ATXN8OS: variants seen among roughly 807,000 people sequenced by gnomAD.
The protein encoded by ATXN8OS is ATXN8 opposite strand (non-protein coding).
chr13:70,156,244 A>T (rs868826846), intron 4 of ATXN8OS, among the ~76,000 whole-genome samples: 2,029 of 149,260 alleles, frequency 0.014, 17 homozygotes, highest in South Asian at 0.017. Flanking sequence ...GGTGGGTATG[A>T]GTGTGTGTGT....
chr13:70,156,077 T>C (rs1888932351), intron 4 of ATXN8OS, among the ~76,000 whole-genome samples: 1 of 152,124 alleles, frequency 6.6e-6, no homozygotes, highest in Admixed American at 6.6e-5. Context: ...CCTAACTTTA[T>C]GAACAGAAAG....
chr13:70,120,608 A>G (rs1023785972), intron 2 of ATXN8OS, among the ~76,000 whole-genome samples: 2 of 152,164 alleles, frequency 1.3e-5, no homozygotes, highest in Non-Finnish European at 2.9e-5. Context: ...GAAAAACCGT[A>G]AAGAACTAAA....
rs140488770 is a variant in ATXN8OS, at chr13:70,135,622, T to C, written n.499+5738T>C. Among the ~76,000 whole-genome samples, 619 of 149,166 alleles carry C rather than the reference T, an allele frequency of 4.1e-3. 6 individuals carry two copies. Among genetic ancestry groups the C allele is most frequent in the African/African-American group, 0.014 (585 of 41,464 alleles). ...CATCTATAATTTACATGGGTCCATA[T>C]TGAACTTTTTTTCTTACATTCCTTT... is the stretch of plus-strand genomic sequence containing the variant. On this transcript the variant is annotated intron_variant and non_coding_transcript_variant, in intron 3 of 4. Transcript: ENST00000678624.
chr13:70,122,161 T>A (rs563050427), intron 2 of ATXN8OS, among the ~76,000 whole-genome samples: 10 of 152,116 alleles, frequency 6.6e-5, no homozygotes, highest in African/African-American at 2.4e-4. Flanking sequence ...ATTTTAAACC[T>A]ATATTGCCAA....
At chr13:70,124,867 A>C (rs905949889) in intron 2 of ATXN8OS, among the ~76,000 whole-genome samples, 2 of 151,902 alleles carry the variant, frequency 1.3e-5, no homozygotes, top group African/African-American at 2.4e-5. Flanking sequence ...ATTACCTTTA[A>C]AGGATTTTTA....
At chr13:70,127,522 T>C (rs1888456651) in intron 2 of ATXN8OS, among the ~76,000 whole-genome samples, 1 of 152,070 alleles carries the variant, frequency 6.6e-6, no homozygotes. Context: ...ATGATTTCTA[T>C]AATCATGTAT....
At chr13:70,107,986 C>G (rs1382020575) in exon 1 of ATXN8OS, 5 of 439,374 alleles carry the variant, frequency 1.1e-5, no homozygotes, top group Non-Finnish European at 2.0e-5. Context: ...TGAGAATCCT[C>G]GATGCCCGCG....
chr13:70,144,598 G>T (rs1044277770), intron 3 of ATXN8OS, among the ~76,000 whole-genome samples: 4 of 152,086 alleles, frequency 2.6e-5, no homozygotes, highest in Non-Finnish European at 5.9e-5. Context: ...TTAGATAACA[G>T]TCCTTTAATA....
At chr13:70,139,481 T>C (rs1346884557) in intron 3 of ATXN8OS, 21 of 649,566 alleles carry the variant, frequency 3.2e-5, no homozygotes, top group Non-Finnish European at 5.1e-5. Flanking sequence ...ATAATTGTTA[T>C]ATATTTTTCC....
intron 3 of ATXN8OS, among the ~76,000 whole-genome samples, chr13:70,133,816 T>C (rs1888568036): frequency 6.6e-6 from 1 of 152,114 alleles, no homozygotes; most frequent in Admixed American, 6.6e-5. Flanking sequence ...ATTCTGGACT[T>C]GTAGCCTCCA....
At chr13:70,135,286 G>C (rs1888596294) in intron 3 of ATXN8OS, among the ~76,000 whole-genome samples, 1 of 152,032 alleles carries the variant, frequency 6.6e-6, no homozygotes, top group Non-Finnish European at 1.5e-5. Context: ...GTTCAGGTTT[G>C]TCAATACTAT....
intron 4 of ATXN8OS, among the ~76,000 whole-genome samples, chr13:70,160,983 GTTA>G: frequency 6.6e-6 from 1 of 151,218 alleles, no homozygotes; most frequent in East Asian, 1.9e-4. Context: ...TGTTTAAGAT[GTTA>G]TTATGACATA....
intron 4 of ATXN8OS, among the ~76,000 whole-genome samples, chr13:70,157,334 A>T (rs1270389689): frequency 2.6e-5 from 4 of 151,908 alleles, no homozygotes; most frequent in Admixed American, 6.6e-5. Context: ...AAAGAACATA[A>T]TTTTTTTTCA....
intron 2 of ATXN8OS, among the ~76,000 whole-genome samples, chr13:70,126,813 T>C (rs1040824777): frequency 6.6e-6 from 1 of 151,688 alleles, no homozygotes; most frequent in Non-Finnish European, 1.5e-5. Context: ...TACAAATAGA[T>C]AAAGATAACC....
At chr13:70,123,851 T>C (rs903715432) in intron 2 of ATXN8OS, among the ~76,000 whole-genome samples, 1 of 152,122 alleles carries the variant, frequency 6.6e-6, no homozygotes, top group Non-Finnish European at 1.5e-5. Flanking sequence ...TCAGAATATA[T>C]AAAGAATATA....
In ATXN8OS at chr13:70,145,035, T is replaced by C. The variant is rs989081171; in HGVS notation, n.500-2320T>C. Among the ~76,000 whole-genome samples, 82 of 152,124 alleles carry C rather than the reference T, an allele frequency of 5.4e-4. 5 individuals carry two copies. The highest frequency in any genetic ancestry group is 1.3e-4 in the Admixed American group (2 of 15,252). On this transcript the variant is annotated intron_variant and non_coding_transcript_variant, in intron 3 of 4. Transcript: ENST00000678624. ...CTTGAATTAATTTTTGTATAAGGTGTAAGGAAGGGATCCAGTTTCAGCTTT... is the reference window on the plus strand; with the variant it reads ...CTTGAATTAATTTTTGTATAAGGTGCAAGGAAGGGATCCAGTTTCAGCTTT...
intron 3 of ATXN8OS, among the ~76,000 whole-genome samples, chr13:70,141,553 C>T (rs1405595799): frequency 6.6e-6 from 1 of 151,928 alleles, no homozygotes; most frequent in Non-Finnish European, 1.5e-5. Flanking sequence ...CTTATAATGC[C>T]TTAACCAATC....
chr13:70,169,379 C>T (rs1393630257), intron 4 of ATXN8OS, among the ~76,000 whole-genome samples: 4 of 152,070 alleles, frequency 2.6e-5, no homozygotes, highest in Admixed American at 1.3e-4. Flanking sequence ...TCACTGCAAC[C>T]TCCACCTGCT....
chr13:70,108,888 C>A (rs1051703211), intron 1 of ATXN8OS, among the ~76,000 whole-genome samples: 2 of 152,196 alleles, frequency 1.3e-5, no homozygotes, highest in Non-Finnish European at 2.9e-5. Context: ...CTGACACTTA[C>A]ATTGTGATTC....
Sources: allele counts gnomAD v4.1 joint callset (sites outside exome capture counted in the v4.1 genomes callset), GRCh38; gene constraint gnomAD v4.1.1; transcripts MANE v1.5; gene names NCBI Gene and HGNC (gene_info 2026-07-23, HGNC 2026-07-21).